The following GALNT13 variants were observed in gnomAD, a reference collection of about 807,000 sequenced individuals.
GALNT13 encodes the protein polypeptide N-acetylgalactosaminyltransferase 13, also known as UDP-GalNAc:polypeptide N-acetylgalactosaminyltransferase 13.
Under a neutral mutation model 64.2 loss-of-function variants are expected in GALNT13, and 28 were observed. The ratio of observed to expected loss-of-function variants is 0.44; its 90% CI spans 0.32 to 0.60. GALNT13 has a LOEUF of 0.60. Ranked by LOEUF, GALNT13 falls within the 20% of genes least tolerant of loss-of-function variation. The probability of loss-of-function intolerance (pLI) is 0.05; values close to 1 mark genes in which losing one functional copy is unlikely to be tolerated. For synonymous variants in GALNT13, 214 were observed against 224.6 expected, an observed-to-expected ratio of 0.95 and a Z score of 0.42; for missense variants, 577 against 669.8, an observed-to-expected ratio of 0.86 and a Z score of 1.53.
chr2:153,863,344 T>G, the GALNT13 span, among the ~76,000 whole-genome samples: 1 of 152,272 alleles, frequency 6.6e-6, no homozygotes, highest in South Asian at 2.1e-4. Flanking sequence ...TGACTCACTC[T>G]AACTCTATAA....
At chr2:153,899,128 G>A (rs908743045) in intron 1 of GALNT13, among the ~76,000 whole-genome samples, 3 of 152,134 alleles carry the variant, frequency 2.0e-5, no homozygotes, top group Non-Finnish European at 4.4e-5. Flanking sequence ...TGGGACAAAC[G>A]AAATGTATCA....
At chr2:153,118,984 C>G in the GALNT13 span, among the ~76,000 whole-genome samples, 1 of 152,082 alleles carries the variant, frequency 6.6e-6, no homozygotes, top group Non-Finnish European at 1.5e-5. Context: ...CTATGTTGTT[C>G]TCATGATAGT....
chr2:154,118,318 AT>A (rs34962261), intron 3 of GALNT13, among the ~76,000 whole-genome samples: 65,525 of 133,692 alleles, frequency 0.49, 16,054 homozygotes, highest in East Asian at 0.76. Flanking sequence ...CTTAAAGTCT[AT>A]TTTTTTTTTA....
chr2:153,265,389 TA>T, the GALNT13 span, among the ~76,000 whole-genome samples: 1 of 152,180 alleles, frequency 6.6e-6, no homozygotes, highest in African/African-American at 2.4e-5. Context: ...AGGGATGACC[TA>T]AATGTTCTCT....
At chr2:153,070,376 A>G in the GALNT13 span, among the ~76,000 whole-genome samples, 1 of 152,186 alleles carries the variant, frequency 6.6e-6, no homozygotes, top group Non-Finnish European at 1.5e-5. Context: ...AAACTATTCC[A>G]TATGATACTA....
chr2:154,142,549 CAAAAAAAA>C (rs71396392), intron 4 of GALNT13, among the ~76,000 whole-genome samples: 1 of 66,498 alleles, frequency 1.5e-5, no homozygotes, highest in Non-Finnish European at 2.8e-5. Flanking sequence ...AACTCTGTCT[CAAAAAAAA>C]AAAAAAAAAA....
chr2:153,676,428 C>T, the GALNT13 span, among the ~76,000 whole-genome samples: 4 of 151,978 alleles, frequency 2.6e-5, no homozygotes, highest in African/African-American at 9.7e-5. Flanking sequence ...TGAATTCTAC[C>T]AGATGTATAA....
At chr2:154,187,369 A>AACACACACACAC (rs10578569) in intron 4 of GALNT13, among the ~76,000 whole-genome samples, 1 of 140,260 alleles carries the variant, frequency 7.1e-6, no homozygotes, top group African/African-American at 2.7e-5. Context: ...GATAGGAGAA[A>AACACACACACAC]ACACACACAC....
At chr2:154,287,194 G>A in intron 8 of GALNT13, 1 of 1,483,960 alleles carries the variant, frequency 6.7e-7, no homozygotes, top group Non-Finnish European at 9.3e-7. Context: ...AAGCAGAGAG[G>A]GCCAGATTTG....
the GALNT13 span, among the ~76,000 whole-genome samples, chr2:153,640,411 A>G: frequency 6.6e-6 from 1 of 152,152 alleles, no homozygotes; most frequent in Non-Finnish European, 1.5e-5. Flanking sequence ...TCAAATGATC[A>G]CTACATTTGG....
intron 9 of GALNT13, among the ~76,000 whole-genome samples, chr2:154,368,873 T>A (rs1697521688): frequency 6.6e-6 from 1 of 152,154 alleles, no homozygotes; most frequent in African/African-American, 2.4e-5. Context: ...CCTGCTGGGG[T>A]ACCATTCTCC....
At chr2:153,531,575 A>G in the GALNT13 span, among the ~76,000 whole-genome samples, 1 of 152,148 alleles carries the variant, frequency 6.6e-6, no homozygotes, top group African/African-American at 2.4e-5. Context: ...CACATTTAAA[A>G]ATACAATCTT....
At position 153,993,673 on chromosome 2, in the gene GALNT13, G is replaced by A. The variant is rs1375756234; in HGVS notation, c.142+49034G>A. ...ATCGTGCCACTGTACTTCAGCCTGG[G>A]CGACAGAGCAAGACTCCATCTCAAA... On this transcript the variant is annotated intron_variant, in intron 3 of 12. Transcript: ENST00000392825. Among the ~76,000 whole-genome samples, 16 of 135,380 alleles carry A rather than the reference G, an allele frequency of 1.2e-4. No individual in the cohort carries two copies. The Admixed American group carries it at 1.3e-3, about 11-fold the overall frequency. 88.8% of individuals were successfully genotyped at this position (135,380 alleles called of 152,430 possible). A position where few individuals can be genotyped will look rare whatever the true frequency, so the allele number is the denominator to read the frequency against.
chr2:153,563,712 T>G, the GALNT13 span, among the ~76,000 whole-genome samples: 2 of 144,424 alleles, frequency 1.4e-5, no homozygotes, highest in Non-Finnish European at 3.0e-5. Context: ...ACTCTTAGGG[T>G]TTTTTTTTTC....
At chr2:153,645,773 A>T in the GALNT13 span, among the ~76,000 whole-genome samples, 1 of 152,106 alleles carries the variant, frequency 6.6e-6, no homozygotes, top group South Asian at 2.1e-4. Context: ...CTTTCACAGG[A>T]TCTTCATTTT....
At chr2:154,020,087 A>T (rs942571361) in intron 3 of GALNT13, among the ~76,000 whole-genome samples, 2 of 151,724 alleles carry the variant, frequency 1.3e-5, no homozygotes, top group Non-Finnish European at 2.9e-5. Flanking sequence ...ACATTTTCTT[A>T]CTAGTCTGTC....
the GALNT13 span, among the ~76,000 whole-genome samples, chr2:153,398,544 G>A: frequency 6.6e-6 from 1 of 151,924 alleles, no homozygotes; most frequent in Non-Finnish European, 1.5e-5. Flanking sequence ...CACCAACAGT[G>A]TAAAAGTGTT....
intron 3 of GALNT13, among the ~76,000 whole-genome samples, chr2:153,958,353 C>G (rs1464493970): frequency 6.6e-6 from 1 of 152,118 alleles, no homozygotes; most frequent in Non-Finnish European, 1.5e-5. Flanking sequence ...CAGTAAAGGT[C>G]TATAAAAGCC....
At chr2:154,394,152 C>A (rs1033620609) in intron 9 of GALNT13, among the ~76,000 whole-genome samples, 1 of 143,008 alleles carries the variant, frequency 7.0e-6, no homozygotes, top group African/African-American at 2.6e-5. Context: ...GATAACTGCT[C>A]AGAAAAACCT....
Sources: allele counts gnomAD v4.1 joint callset (sites outside exome capture counted in the v4.1 genomes callset), GRCh38; gene constraint gnomAD v4.1.1; transcripts MANE v1.5; gene names NCBI Gene and HGNC (gene_info 2026-07-23, HGNC 2026-07-21).